Variants in MAGI3 observed in about 807,000 individuals in gnomAD.
MAGI3 encodes membrane-associated guanylate kinase, WW and PDZ domain-containing protein 3.
In MAGI3, 43 loss-of-function variants were observed where a neutral mutation model predicts 121.8. The observed-to-expected ratio is 0.35, with a 90% CI of 0.28 to 0.46. The LOEUF is 0.46. Ranked by LOEUF, MAGI3 falls within the 20% of genes least tolerant of loss-of-function variation. MAGI3 has a pLI of 1.00. For synonymous variants in MAGI3, 553 were observed against 639.3 expected, an observed-to-expected ratio of 0.86 and a Z score of 2.04; for missense variants, 1,547 against 1,797.3, an observed-to-expected ratio of 0.86 and a Z score of 2.52.
chr1:113,402,372 A>G (rs17448063), intron 1 of MAGI3, among the ~76,000 whole-genome samples: 9,463 of 152,220 alleles, frequency 0.062, 318 homozygotes, highest in Non-Finnish European at 0.074. Flanking sequence ...GGTGTAACTT[A>G]TGATTAAGAT....
chr1:113,680,617 C>T (rs1448266103), intron 19 of MAGI3, among the ~76,000 whole-genome samples: 1 of 151,920 alleles, frequency 6.6e-6, no homozygotes, highest in African/African-American at 2.4e-5. Flanking sequence ...ATTAGCCGGG[C>T]GTGGTGGCGG....
chr1:113,533,148 T>C (rs1018740150), intron 1 of MAGI3, among the ~76,000 whole-genome samples: 8 of 152,222 alleles, frequency 5.3e-5, no homozygotes, highest in Non-Finnish European at 1.0e-4. Flanking sequence ...TTATATGGTT[T>C]TCTTTTAGCT....
At chr1:113,503,689 AATC>A (rs1657163438) in intron 1 of MAGI3, among the ~76,000 whole-genome samples, 1 of 111,744 alleles carries the variant, frequency 8.9e-6, no homozygotes, top group Non-Finnish European at 2.1e-5. Flanking sequence ...GGAAATGAAT[AATC>A]TTCAGATACT....
intron 6 of MAGI3, among the ~76,000 whole-genome samples, chr1:113,596,564 T>C (rs1649022982): frequency 6.6e-6 from 1 of 152,180 alleles, no homozygotes; most frequent in South Asian, 2.1e-4. Context: ...AGTCACAGAC[T>C]TTGCAATATA....
chr1:113,437,490 A>G (rs193190361), intron 1 of MAGI3, among the ~76,000 whole-genome samples: 79 of 152,182 alleles, frequency 5.2e-4, no homozygotes, highest in Non-Finnish European at 9.4e-4. Context: ...TCCCTAGATA[A>G]TAGAAAGGGA....
chr1:113,398,230 ATTAGG>A (rs1438066659), intron 1 of MAGI3, among the ~76,000 whole-genome samples: 1 of 152,192 alleles, frequency 6.6e-6, no homozygotes, highest in Non-Finnish European at 1.5e-5. Flanking sequence ...CTTATAGGTG[ATTAGG>A]TACTTGTTTT....
chr1:113,475,144 C>T lies in MAGI3; in HGVS notation c.317-74371C>T, dbSNP rs1233140407. Among the ~76,000 whole-genome samples the T allele has an allele frequency of 7.2e-5, 11 of 152,156 alleles. No homozygotes were observed. In the East Asian group the frequency reaches 1.9e-3, roughly 27 times the overall value. On this transcript the variant is annotated intron_variant, in intron 1 of 20. Transcript: ENST00000307546. Reference sequence around the variant, plus strand: ...AGCTTAAGAAGATTTTGGGTTGAGACAGTGGGGTTTTCTAAATATATAATC... The same window carrying T: ...AGCTTAAGAAGATTTTGGGTTGAGATAGTGGGGTTTTCTAAATATATAATC...
At chr1:113,652,681 T>G (rs1653239655) in intron 14 of MAGI3, among the ~76,000 whole-genome samples, 1 of 151,858 alleles carries the variant, frequency 6.6e-6, no homozygotes, top group Non-Finnish European at 1.5e-5. Flanking sequence ...GAAAAAAACA[T>G]ATTCTTAAAA....
intron 1 of MAGI3, among the ~76,000 whole-genome samples, chr1:113,423,366 G>A (rs1652833748): frequency 6.6e-6 from 1 of 151,966 alleles, no homozygotes; most frequent in African/African-American, 2.4e-5. Context: ...CCACCTCCTG[G>A]GTTCACGCCA....
intron 1 of MAGI3, among the ~76,000 whole-genome samples, chr1:113,419,621 A>C (rs879315039): frequency 6.8e-6 from 1 of 146,830 alleles, no homozygotes; most frequent in Admixed American, 6.9e-5. Context: ...AAGATTGGGA[A>C]TATCCCAAGA....
intron 13 of MAGI3, 118 bp from the exon 14 acceptor site, chr1:113,650,896 T>A: frequency 1.2e-6 from 1 of 847,460 alleles, no homozygotes; most frequent in South Asian, 1.6e-5. Context: ...AAAATATAAC[T>A]GTTTTCATAG....
At chr1:113,682,527 CTG>C (rs1215399230) in intron 20 of MAGI3, 1 of 1,272,374 alleles carries the variant, frequency 7.9e-7, no homozygotes, top group Non-Finnish European at 9.9e-7. Flanking sequence ...ATATCCTAAA[CTG>C]TATCAATTCA....
intron 1 of MAGI3, among the ~76,000 whole-genome samples, chr1:113,414,562 T>G (rs1652196869): frequency 6.6e-6 from 1 of 152,110 alleles, no homozygotes; most frequent in Non-Finnish European, 1.5e-5. Flanking sequence ...GAGTCTGTTA[T>G]TGGTCTATTC....
chr1:113,640,561 G>A (rs1412915825), intron 9 of MAGI3, among the ~76,000 whole-genome samples: 1 of 152,098 alleles, frequency 6.6e-6, no homozygotes, highest in African/African-American at 2.4e-5. Flanking sequence ...AAAAAGGAAT[G>A]AGATCATGTC....
At chr1:113,507,995 A>G (rs1325641191) in intron 1 of MAGI3, among the ~76,000 whole-genome samples, 1 of 152,162 alleles carries the variant, frequency 6.6e-6, no homozygotes, top group Non-Finnish European at 1.5e-5. Context: ...ATGAGCTATT[A>G]CAACTGGCTA....
intron 7 of MAGI3, among the ~76,000 whole-genome samples, chr1:113,618,251 C>T (rs1321460611): frequency 4.0e-5 from 6 of 151,844 alleles, no homozygotes; most frequent in Middle Eastern, 3.4e-3. Context: ...GTGGGAATAT[C>T]GTTTGAGCCT....
chr1:113,618,034 T>C (rs951338015), intron 7 of MAGI3, among the ~76,000 whole-genome samples: 2 of 152,176 alleles, frequency 1.3e-5, no homozygotes, highest in Admixed American at 6.5e-5. Flanking sequence ...CTAACATTCC[T>C]TTTTTTGAAA....
chr1:113,578,345 G>A (rs935122603), intron 2 of MAGI3, among the ~76,000 whole-genome samples: 2 of 152,124 alleles, frequency 1.3e-5, no homozygotes, highest in African/African-American at 4.8e-5. Flanking sequence ...AGGAGGTGCA[G>A]AATATCGTCA....
intron 2 of MAGI3, among the ~76,000 whole-genome samples, chr1:113,571,074 G>T (rs1351294632): frequency 6.6e-6 from 1 of 152,160 alleles, no homozygotes; most frequent in Non-Finnish European, 1.5e-5. Context: ...TTTGTGTAAG[G>T]TGTAAGGAAG....
Sources: allele counts gnomAD v4.1 joint callset (sites outside exome capture counted in the v4.1 genomes callset), GRCh38; gene constraint gnomAD v4.1.1; transcripts MANE v1.5; gene names NCBI Gene and HGNC (gene_info 2026-07-23, HGNC 2026-07-21).